ATP10B: variants seen among roughly 807,000 people sequenced by gnomAD.
ATP10B encodes the protein ATPase phospholipid transporting 10B (putative).
In ATP10B, 122 loss-of-function variants were observed where a neutral mutation model predicts 141.2. The observed-to-expected ratio is 0.86, with a 90% CI of 0.75 to 1.00. The LOEUF is 1.00. Ranked by LOEUF, ATP10B falls within the 50% of genes least tolerant of loss-of-function variation. ATP10B has a pLI of 0.00. For synonymous variants in ATP10B, 685 were observed against 692.0 expected, an observed-to-expected ratio of 0.99 and a Z score of 0.16; for missense variants, 1,876 against 1,825.3, an observed-to-expected ratio of 1.03 and a Z score of -0.51.
chr5:160,756,584 T>C (rs1424364811), intron 2 of ATP10B, among the ~76,000 whole-genome samples: 3 of 152,216 alleles, frequency 2.0e-5, no homozygotes, highest in African/African-American at 7.2e-5. Context: ...TAGTGATATT[T>C]CATTGTGGTT....
At chr5:160,804,127 A>T (rs1358620958) in intron 1 of ATP10B, among the ~76,000 whole-genome samples, 1 of 152,166 alleles carries the variant, frequency 6.6e-6, no homozygotes, top group Non-Finnish European at 1.5e-5. Context: ...AGATAAGCAG[A>T]TCTATTTGGC....
chr5:160,840,434 G>T (rs1775744740), intron 1 of ATP10B, among the ~76,000 whole-genome samples: 2 of 151,952 alleles, frequency 1.3e-5, no homozygotes, highest in South Asian at 4.1e-4. Context: ...TATTAAAAAG[G>T]TTGTATCTCA....
At chr5:160,775,418 T>A (rs1273718858) in intron 2 of ATP10B, among the ~76,000 whole-genome samples, 1 of 152,152 alleles carries the variant, frequency 6.6e-6, no homozygotes, top group African/African-American at 2.4e-5. Context: ...CTTCCTAGTA[T>A]ATATGTTTTT....
intron 1 of ATP10B, among the ~76,000 whole-genome samples, chr5:160,806,603 T>C (rs1420829109): frequency 6.6e-6 from 1 of 152,174 alleles, no homozygotes; most frequent in Non-Finnish European, 1.5e-5. Context: ...GGGGGGATAA[T>C]GATGATAGGA....
chr5:160,629,508 C>T (rs1758796450), intron 13 of ATP10B, among the ~76,000 whole-genome samples: 1 of 152,170 alleles, frequency 6.6e-6, no homozygotes, highest in African/African-American at 2.4e-5. Context: ...AGGACTCACA[C>T]AAGACCAAAT....
the ATP10B span, among the ~76,000 whole-genome samples, chr5:160,893,949 G>A: frequency 6.6e-6 from 1 of 152,180 alleles, no homozygotes; most frequent in Non-Finnish European, 1.5e-5. Context: ...TGCAGCAGAG[G>A]GGGCTGACTC....
In ATP10B at chr5:160,634,351, T is replaced by C. The variant is rs540852931; in HGVS notation, c.1381+3A>G. The C allele has an allele frequency of 1.9e-6, 3 of 1,614,202 alleles. No individual in the cohort carries two copies. Among genetic ancestry groups the C allele is most frequent in the East Asian group, 2.2e-5 (1 of 44,880 alleles). ...GGGATGGAGCCCTTGGGAGCTTCTA[T>C]ACCATTTTCTTGGTGAGAATACTCG... is the stretch of plus-strand genomic sequence containing the variant. On this transcript the variant is annotated splice_donor_region_variant and intron_variant, in intron 12 of 25. Transcript: ENST00000327245.
intron 1 of ATP10B, among the ~76,000 whole-genome samples, chr5:160,845,661 C>G (rs1303928532): frequency 7.9e-5 from 12 of 152,048 alleles, no homozygotes; most frequent in Admixed American, 4.6e-4. Flanking sequence ...CGTAGAGCCC[C>G]CTGTGATACC....
intron 12 of ATP10B, 142 bp from the exon 13 acceptor site, chr5:160,632,509 A>G: frequency 1.4e-6 from 1 of 710,752 alleles, no homozygotes; most frequent in Non-Finnish European, 2.4e-6. Context: ...GGCTACCAAG[A>G]CTGGAGAAAG....
At chr5:160,868,136 C>T in the ATP10B span, among the ~76,000 whole-genome samples, 54 of 152,230 alleles carry the variant, frequency 3.5e-4, no homozygotes, top group South Asian at 3.5e-3. Flanking sequence ...GGTACAAAAA[C>T]CAACAGCCTT....
intron 22 of ATP10B, among the ~76,000 whole-genome samples, chr5:160,595,038 CA>C (rs1467355870): frequency 6.6e-6 from 1 of 150,914 alleles, no homozygotes; most frequent in African/African-American, 2.4e-5. Context: ...CTGCACCAAG[CA>C]GACCTAATAG....
At position 160,696,986 on chromosome 5, in the gene ATP10B, T is replaced by C. The variant is rs115234308; in HGVS notation, c.-204-8043A>G. 5.6e-3 allele frequency among the ~76,000 whole-genome samples: 856 copies of C among 152,300 alleles called. 9 individuals carry two copies. The highest frequency in any genetic ancestry group is 0.02 in the African/African-American group (822 of 41,554). ...GAGGAAGAAACAAAGATAAGGGGAA[T>C]AGAGTGATTTCTCTGTAGAACTTGT... On this transcript the variant is annotated intron_variant, in intron 3 of 25. Transcript: ENST00000327245.
the ATP10B span, among the ~76,000 whole-genome samples, chr5:160,925,939 A>T: frequency 2.0e-5 from 3 of 152,216 alleles, no homozygotes; most frequent in Non-Finnish European, 2.9e-5. Flanking sequence ...TCCTGTGAAA[A>T]GCAGATGCCT....
At chr5:160,829,085 A>T in intron 1 of ATP10B, among the ~76,000 whole-genome samples, 1 of 150,128 alleles carries the variant, frequency 6.7e-6, no homozygotes, top group Admixed American at 6.6e-5. Flanking sequence ...GAGGGATAGC[A>T]TTAGGAGATA....
chr5:160,903,320 C>T, the ATP10B span, among the ~76,000 whole-genome samples: 2 of 152,154 alleles, frequency 1.3e-5, no homozygotes, highest in Admixed American at 1.3e-4. Flanking sequence ...GAGCAGGTTG[C>T]AGATACCAGA....
chr5:160,571,162 C>G (rs942181897), intron 24 of ATP10B, among the ~76,000 whole-genome samples: 2 of 152,082 alleles, frequency 1.3e-5, no homozygotes, highest in African/African-American at 2.4e-5. Context: ...ATTTCATTCC[C>G]TCTCTCATTT....
Position 160,687,789 on chromosome 5 carries a change from T to C in ATP10B, c.275+11A>G. 6.2e-7 allele frequency: 1 copy of C among 1,611,220 alleles called. No homozygotes were observed. The highest frequency in any genetic ancestry group is 8.5e-7 in the Non-Finnish European group (1 of 1,178,362). Reference sequence around the variant, plus strand: ...CTAAAAAGAGTATTGTTCAGACAAGTGGATCTCTACCTATGAAATTGCTCA... The same window carrying C: ...CTAAAAAGAGTATTGTTCAGACAAGCGGATCTCTACCTATGAAATTGCTCA... On this transcript the variant is annotated intron_variant, in intron 5 of 25. Transcript: ENST00000327245.
chr5:160,638,378 CTT>C (rs1254285142), intron 10 of ATP10B, among the ~76,000 whole-genome samples: 1 of 152,084 alleles, frequency 6.6e-6, no homozygotes, highest in Non-Finnish European at 1.5e-5. Flanking sequence ...TCTCAAATGT[CTT>C]TTTCACGCTG....
At chr5:160,747,906 C>T (rs895977056) in intron 2 of ATP10B, among the ~76,000 whole-genome samples, 1 of 151,058 alleles carries the variant, frequency 6.6e-6, no homozygotes, top group Non-Finnish European at 1.5e-5. Flanking sequence ...ATCCTTCTCC[C>T]TGTTTGCCTC....
Sources: allele counts gnomAD v4.1 joint callset (sites outside exome capture counted in the v4.1 genomes callset), GRCh38; gene constraint gnomAD v4.1.1; transcripts MANE v1.5; gene names NCBI Gene and HGNC (gene_info 2026-07-23, HGNC 2026-07-21).